The following CEP126 variants were observed in gnomAD, a reference collection of about 807,000 sequenced individuals.
CEP126 encodes centrosomal protein of 126 kDa.
A neutral mutation model predicts 107.8 loss-of-function variants in CEP126; 74 were observed. That is an observed-to-expected ratio of 0.69 (90% CI 0.57 to 0.83). CEP126 has a LOEUF of 0.83. Among genes scored for constraint, CEP126 ranks in the 40% least tolerant of loss-of-function variants. The pLI is 0.00. For missense variants in CEP126, 1,237 were observed against 1,281.9 expected (o/e 0.96, Z 0.53); for synonymous variants, 449 against 446.0 (o/e 1.01, Z -0.08).
chr11:101,996,262 C>T (rs1941440184), intron 10 of CEP126, among the ~76,000 whole-genome samples: 1 of 152,176 alleles, frequency 6.6e-6, no homozygotes, highest in Non-Finnish European at 1.5e-5. Context: ...CTTCATAGTT[C>T]CACTTCAGCA....
chr11:101,971,306 C>A (rs1941124967), intron 6 of CEP126, among the ~76,000 whole-genome samples: 1 of 149,496 alleles, frequency 6.7e-6, no homozygotes, highest in African/African-American at 2.5e-5. Flanking sequence ...TGAATAACAA[C>A]AGATTTTTCA....
chr11:101,944,985 A>G (rs1471608760), intron 3 of CEP126, among the ~76,000 whole-genome samples: 1 of 152,228 alleles, frequency 6.6e-6, no homozygotes, highest in East Asian at 1.9e-4. Flanking sequence ...TTATGTATTC[A>G]GCAAACATAT....
At position 101,958,378 on chromosome 11, in the gene CEP126, T is replaced by G; in HGVS notation, c.705+12T>G. 1 of 1,606,128 alleles carries G rather than the reference T, an allele frequency of 6.2e-7. No individual in the cohort carries two copies. Among genetic ancestry groups the G allele is most frequent in the Non-Finnish European group, 8.5e-7 (1 of 1,174,538 alleles). On this transcript the variant is annotated intron_variant, in intron 5 of 10. Transcript: ENST00000263468. ...TAAGCAATTTGCAAGTATGAAACTA[T>G]AAAAATGTTGTTAATATTTTAATTC... is the stretch of plus-strand genomic sequence containing the variant.
intron 6 of CEP126, among the ~76,000 whole-genome samples, chr11:101,965,035 T>C (rs1169256267): frequency 1.3e-5 from 2 of 152,210 alleles, no homozygotes; most frequent in African/African-American, 2.4e-5. Context: ...GCTATGACTA[T>C]TGGTTTTTGT....
At chr11:101,957,450 T>C (rs1195062584) in intron 4 of CEP126, among the ~76,000 whole-genome samples, 1 of 152,166 alleles carries the variant, frequency 6.6e-6, no homozygotes, top group Admixed American at 6.5e-5. Context: ...ATGCTATAGA[T>C]TTGCAGAAGA....
intron 2 of CEP126, among the ~76,000 whole-genome samples, chr11:101,923,588 T>C (rs1259845276): frequency 6.6e-6 from 1 of 152,240 alleles, no homozygotes; most frequent in Non-Finnish European, 1.5e-5. Flanking sequence ...CCTGGCATTA[T>C]GTTTCTCTTC....
At chr11:101,968,143 C>T (rs1941079250) in intron 6 of CEP126, among the ~76,000 whole-genome samples, 1 of 151,902 alleles carries the variant, frequency 6.6e-6, no homozygotes, top group African/African-American at 2.4e-5. Context: ...CTTGAATAGA[C>T]AGAACTATGA....
At chr11:101,969,662 G>A (rs1057141420) in intron 6 of CEP126, among the ~76,000 whole-genome samples, 1 of 152,064 alleles carries the variant, frequency 6.6e-6, no homozygotes, top group African/African-American at 2.4e-5. Flanking sequence ...CAAAGGCAAA[G>A]AACAAATGCA....
At chr11:101,980,548 C>G (rs1941243516) in intron 7 of CEP126, among the ~76,000 whole-genome samples, 1 of 152,178 alleles carries the variant, frequency 6.6e-6, no homozygotes, top group Non-Finnish European at 1.5e-5. Context: ...GATCTTCACC[C>G]ATCCACTTAT....
Position 101,962,778 on chromosome 11 carries a change from A to G in CEP126, c.1743A>G (p.Lys581=), listed in dbSNP as rs752672070. The change falls in exon 6 of 11, where the codon AAA becomes AAG. Residue 581 remains lysine (K), a synonymous_variant. Transcript: ENST00000263468. ...GVRFLKSILK[K]ESKYEHGYLK... The stretch of plus-strand genomic sequence containing the variant: ...GATTTCTTAAAAGTATTTTAAAGAA[A>G]GAATCTAAATATGAACATGGTTATC... 6.2e-7 allele frequency: 1 copy of G among 1,604,456 alleles called. No homozygotes were observed. Among genetic ancestry groups the G allele is most frequent in the East Asian group, 2.2e-5 (1 of 44,782 alleles).
intron 3 of CEP126, among the ~76,000 whole-genome samples, chr11:101,946,439 C>T (rs182540267): frequency 9.2e-5 from 14 of 152,094 alleles, no homozygotes; most frequent in African/African-American, 3.1e-4. Flanking sequence ...GCCAAGGAAG[C>T]GGAGGTTGCA....
chr11:101,950,938 G>A (rs1282693602), intron 4 of CEP126, among the ~76,000 whole-genome samples: 1 of 152,154 alleles, frequency 6.6e-6, no homozygotes, highest in Non-Finnish European at 1.5e-5. Flanking sequence ...GATAAATGGT[G>A]CAAATGTTGG....
intron 2 of CEP126, among the ~76,000 whole-genome samples, chr11:101,934,834 A>C (rs1940552473): frequency 6.6e-6 from 1 of 152,120 alleles, no homozygotes. Flanking sequence ...AGATAATTAT[A>C]GTCAAAATGG....
intron 3 of CEP126, 33 bp downstream of exon 3, chr11:101,944,443 A>T (rs761437633): frequency 1.3e-6 from 2 of 1,576,830 alleles, no homozygotes; most frequent in Non-Finnish European, 1.7e-6. Context: ...ATGAGAACAT[A>T]AAGTTTTAAT....
At chr11:101,956,785 T>C (rs2076764982) in intron 4 of CEP126, 1 of 448,490 alleles carries the variant, frequency 2.2e-6, no homozygotes, top group African/African-American at 2.0e-5. Context: ...TTCCCCCTAT[T>C]CTTCACTCTC....
intron 2 of CEP126, among the ~76,000 whole-genome samples, chr11:101,929,288 T>C (rs893202692): frequency 2.0e-5 from 3 of 152,252 alleles, no homozygotes; most frequent in African/African-American, 7.2e-5. Flanking sequence ...TGATTTTCTA[T>C]TGAAACCCAA....
At chr11:101,927,138 C>T (rs923323306) in intron 2 of CEP126, among the ~76,000 whole-genome samples, 2 of 152,114 alleles carry the variant, frequency 1.3e-5, no homozygotes, top group African/African-American at 4.8e-5. Flanking sequence ...CCCGTCTCTA[C>T]TAAAAATACA....
intron 2 of CEP126, among the ~76,000 whole-genome samples, chr11:101,930,732 T>G (rs1264119374): frequency 6.6e-6 from 1 of 152,174 alleles, no homozygotes; most frequent in Non-Finnish European, 1.5e-5. Flanking sequence ...ATTGGGGCAT[T>G]ACAATCCTCT....
intron 2 of CEP126, among the ~76,000 whole-genome samples, chr11:101,930,478 G>T (rs1193580654): frequency 6.6e-6 from 1 of 152,196 alleles, no homozygotes; most frequent in Admixed American, 6.5e-5. Flanking sequence ...CGCGGTGAGT[G>T]TTACAGCTCT....
Sources: allele counts gnomAD v4.1 joint callset (sites outside exome capture counted in the v4.1 genomes callset), GRCh38; gene constraint gnomAD v4.1.1; transcripts MANE v1.5; gene names NCBI Gene and HGNC (gene_info 2026-07-23, HGNC 2026-07-21).